Variants in SDSL observed in about 807,000 individuals in gnomAD.
The protein encoded by SDSL is serine dehydratase like.
SDSL carries 26 observed loss-of-function variants against 27.6 expected under a neutral mutation model. The observed-to-expected ratio is 0.94, with a 90% CI of 0.69 to 1.31. SDSL has a LOEUF of 1.31. Ranked by LOEUF, SDSL falls within the 50% of genes most tolerant of loss-of-function variation. The pLI is 0.00. For missense variants in SDSL, 431 were observed against 423.5 expected (o/e 1.02, Z -0.16); for synonymous variants, 196 against 180.6 (o/e 1.09, Z -0.69).
intron 7 of SDSL, 23 bp downstream of exon 7, chr12:113,436,898 C>T: frequency 6.5e-7 from 1 of 1,545,222 alleles, no homozygotes; most frequent in East Asian, 2.3e-5. Context: ...TGTCCTCCAC[C>T]TGGGCTCAGA....
chr12:113,436,632 T>G, intron 6 of SDSL, 119 bp from the exon 7 acceptor site: 1 of 1,086,186 alleles, frequency 9.2e-7, no homozygotes, highest in Non-Finnish European at 1.2e-6. Flanking sequence ...CTTATAATGC[T>G]GAGCTCCAAC....
At chr12:113,436,923 C>T (rs745794623) in intron 7 of SDSL, 48 bp downstream of exon 7, 10 of 1,490,118 alleles carry the variant, frequency 6.7e-6, no homozygotes, top group Non-Finnish European at 8.9e-6. Context: ...CACGAAGTCC[C>T]TGCATCCTCT....
At position 113,438,184 on chromosome 12, in the gene SDSL, G is replaced by A. The variant is rs1416368192; in HGVS notation, c.*105G>A. 6.8e-6 allele frequency: 7 copies of A among 1,026,672 alleles called. No individual in the cohort carries two copies. The highest frequency in any genetic ancestry group is 3.2e-5 in the African/African-American group (2 of 62,102). 63.6% of individuals were successfully genotyped at this position (1,026,672 alleles called of 1,614,324 possible). A position where few individuals can be genotyped will look rare whatever the true frequency, so the allele number is the denominator to read the frequency against. On this transcript the variant is annotated 3_prime_UTR_variant, in exon 8 of 8. Coordinates refer to ENST00000403593, the MANE Select transcript of SDSL (RefSeq NM_001304993.2). ...CAGATGGCAGTGGAAGCTGCCCTGT[G>A]CAACTGTGCTGGCTGCCTCCTGAAG... is the stretch of plus-strand genomic sequence containing the variant.
At chr12:113,432,346 C>T (rs1957945092) in intron 4 of SDSL, among the ~76,000 whole-genome samples, 1 of 150,850 alleles carries the variant, frequency 6.6e-6, no homozygotes, top group African/African-American at 2.4e-5. Flanking sequence ...CTGTCTCTCT[C>T]TTTCTTTCTT....
rs771261383 is a variant in SDSL, at chr12:113,437,969, G to T, written c.880G>T (p.Glu294Ter). The change falls in exon 8 of 8, where the codon GAG becomes TAG. Residue 294 changes from glutamate to a stop codon, truncating the protein, a stop_gained. Transcript: ENST00000403593. LOFTEE classifies it low-confidence loss of function (END_TRUNC). ...AGGCCTCCTGCGGAGGCTCCAGGCC[G>T]AGGGCTGCCTGCCCCCTTCCCTGAC... Reference protein sequence around the residue: ...YSGLLRRLQAEGCLPPSLTSV... With the variant: ...YSGLLRRLQA 6.2e-7 allele frequency: 1 copy of T among 1,614,036 alleles called. No individual in the cohort carries two copies. Among genetic ancestry groups the T allele is most frequent in the African/African-American group, 1.3e-5 (1 of 74,948 alleles).
At chr12:113,424,260 G>C (rs1957823523) in intron 1 of SDSL, among the ~76,000 whole-genome samples, 1 of 152,040 alleles carries the variant, frequency 6.6e-6, no homozygotes, top group African/African-American at 2.4e-5. Flanking sequence ...GACCTCAGGT[G>C]ATCCGCCTGC....
At chr12:113,425,761 G>A (rs968388936) in intron 1 of SDSL, 1 of 455,464 alleles carries the variant, frequency 2.2e-6, no homozygotes. Flanking sequence ...GGGAGGCCGA[G>A]GTGGGCAGAT....
At chr12:113,424,065 T>C (rs1957820786) in intron 1 of SDSL, among the ~76,000 whole-genome samples, 1 of 152,182 alleles carries the variant, frequency 6.6e-6, no homozygotes, top group Non-Finnish European at 1.5e-5. Flanking sequence ...TGGAGTGCAA[T>C]GGCGCGATCT....
intron 4 of SDSL, among the ~76,000 whole-genome samples, chr12:113,432,423 C>T (rs1957946284): frequency 6.6e-6 from 1 of 152,066 alleles, no homozygotes; most frequent in Non-Finnish European, 1.5e-5. Context: ...CTCACTGCAA[C>T]CTCCACTGTC....
rs1161068572 is a variant in SDSL at position 113,431,441 on chromosome 12, T to C, written c.354+2142T>C. On this transcript the variant is annotated intron_variant, in intron 4 of 7. Coordinates refer to ENST00000403593, the MANE Select transcript of SDSL (RefSeq NM_001304993.2). ...CAAGCACTACACGGTTTTGAATCTA[T>C]TTTTTTCTTTAGTTTTAATTTCAGA... 2.0e-5 allele frequency among the ~76,000 whole-genome samples: 3 copies of C among 152,162 alleles called. No homozygotes were observed. In the East Asian group the frequency reaches 5.8e-4, roughly 29 times the overall value.
In SDSL at chr12:113,429,967, TTCCC is replaced by T. The variant is rs200156503; in HGVS notation, c.354+684_354+687del. Among the ~76,000 whole-genome samples, 1,044 of 148,766 alleles carry T rather than the reference TTCCC, an allele frequency of 7.0e-3. 6 individuals carry two copies. The highest frequency in any genetic ancestry group is 9.5e-3 in the Non-Finnish European group (637 of 66,926). On this transcript the variant is annotated intron_variant, in intron 4 of 7. Transcript: ENST00000403593. ...CCTTCATTATTTCCCTCCTTCCCTC[TTCCC>T]TCCCTCCCTCCCTCCTTCCCTCCCT...
chr12:113,423,374 A>G (rs933757805), intron 1 of SDSL, among the ~76,000 whole-genome samples: 7 of 152,320 alleles, frequency 4.6e-5, no homozygotes, highest in African/African-American at 1.7e-4. Flanking sequence ...TAACTGTGTG[A>G]ACTTGGATAA....
chr12:113,422,629 T>A (rs1326510780), intron 1 of SDSL, 152 bp downstream of exon 1: 2 of 152,218 alleles, frequency 1.3e-5, no homozygotes, highest in Admixed American at 6.6e-5. Context: ...TAGGCCCTCC[T>A]GGGAATGTCG....
At chr12:113,432,114 C>A (rs913911534) in intron 4 of SDSL, among the ~76,000 whole-genome samples, 2 of 152,048 alleles carry the variant, frequency 1.3e-5, no homozygotes, top group African/African-American at 4.8e-5. Context: ...TGGTCTCGAA[C>A]TCCTGACCTC....
chr12:113,428,177 G>T (rs754599624), intron 2 of SDSL, 21 bp downstream of exon 2: 14 of 1,592,344 alleles, frequency 8.8e-6, no homozygotes, highest in Non-Finnish European at 1.2e-5. Flanking sequence ...GTGGGAAGGA[G>T]GGGAGAAGTG....
intron 2 of SDSL, 95 bp from the exon 3 acceptor site, chr12:113,428,325 T>C: frequency 1.5e-6 from 2 of 1,368,454 alleles, no homozygotes; most frequent in South Asian, 1.3e-5. Context: ...TAAAGGCGTA[T>C]TGGGAGTGGG....
At chr12:113,423,396 T>A (rs1780493236) in intron 1 of SDSL, among the ~76,000 whole-genome samples, 1 of 152,128 alleles carries the variant, frequency 6.6e-6, no homozygotes. Flanking sequence ...TTACTTAATC[T>A]CTCTGGACCT....
intron 1 of SDSL, among the ~76,000 whole-genome samples, chr12:113,424,780 G>C (rs1957829044): frequency 6.6e-6 from 1 of 151,534 alleles, no homozygotes; most frequent in South Asian, 2.1e-4. Flanking sequence ...CTGTTGCCCA[G>C]GCTGGAGAAC....
At chr12:113,431,381 A>G (rs917041752) in intron 4 of SDSL, among the ~76,000 whole-genome samples, 1 of 152,158 alleles carries the variant, frequency 6.6e-6, no homozygotes. Context: ...GGAGCCAGAG[A>G]GGAGGCTGCT....
Sources: gnomAD v4.1 joint callset for allele counts (sites outside exome capture counted in the v4.1 genomes callset) on GRCh38, gnomAD v4.1.1 for gene constraint, MANE v1.5 for transcripts, NCBI Gene and HGNC (gene_info 2026-07-23, HGNC 2026-07-21) for gene names.